Variants in GABRB1 observed in about 807,000 individuals in gnomAD.
The protein encoded by GABRB1 is gamma-aminobutyric acid type A receptor subunit beta1, also known as gamma-aminobutyric acid receptor subunit beta-1.
GABRB1 carries 17 observed loss-of-function variants against 51.6 expected under a neutral mutation model. That is an observed-to-expected ratio of 0.33 (90% CI 0.23 to 0.49). The LOEUF (loss-of-function observed/expected upper bound fraction) is 0.49. Ranked by LOEUF, GABRB1 falls within the 20% of genes least tolerant of loss-of-function variation. The probability of loss-of-function intolerance (pLI) is 0.99; values close to 1 mark genes in which losing one functional copy is unlikely to be tolerated. For missense variants in GABRB1, 410 were observed against 600.6 expected, an observed-to-expected ratio of 0.68 and a Z score of 3.32; for synonymous variants, 247 against 218.9, an observed-to-expected ratio of 1.13 and a Z score of -1.14.
At chr4:47,214,706 T>G (rs1222992879) in intron 4 of GABRB1, among the ~76,000 whole-genome samples, 1 of 152,182 alleles carries the variant, frequency 6.6e-6, no homozygotes, top group East Asian at 1.9e-4. Context: ...CCCAAATTGA[T>G]ATCAACTTCA....
chr4:47,004,277 G>A (rs1402788974), intron 1 of GABRB1, among the ~76,000 whole-genome samples: 2 of 152,126 alleles, frequency 1.3e-5, no homozygotes, highest in Non-Finnish European at 2.9e-5. Flanking sequence ...GTGAGCCACC[G>A]TGCCTGACCT....
chr4:47,261,630 T>C (rs530088183), intron 4 of GABRB1, among the ~76,000 whole-genome samples: 2,573 of 151,986 alleles, frequency 0.017, 74 homozygotes, highest in African/African-American at 0.059. Context: ...AGGTAATTTA[T>C]AGATTCAATG....
chr4:47,136,622 C>T (rs1368169552), intron 3 of GABRB1, among the ~76,000 whole-genome samples: 1 of 151,906 alleles, frequency 6.6e-6, no homozygotes, highest in East Asian at 1.9e-4. Context: ...GGTTTACAAA[C>T]TCTAGGGAAA....
At chr4:47,171,316 A>T (rs938107937) in intron 4 of GABRB1, among the ~76,000 whole-genome samples, 1 of 152,056 alleles carries the variant, frequency 6.6e-6, no homozygotes, top group African/African-American at 2.4e-5. Context: ...GAAAAAAAGG[A>T]AGGAAGGAAA....
intron 3 of GABRB1, among the ~76,000 whole-genome samples, chr4:47,064,743 T>C (rs1727000992): frequency 6.6e-6 from 1 of 152,092 alleles, no homozygotes; most frequent in Admixed American, 6.5e-5. Flanking sequence ...TTGCTTTAAC[T>C]GCTAGGATGA....
intron 4 of GABRB1, among the ~76,000 whole-genome samples, chr4:47,263,042 G>T (rs1440808255): frequency 2.7e-5 from 3 of 111,272 alleles, no homozygotes; most frequent in Non-Finnish European, 3.5e-5. Context: ...GGGGACTGTT[G>T]TGGGGTGGGG....
chr4:47,362,077 A>T (rs532323715), intron 5 of GABRB1, among the ~76,000 whole-genome samples: 6 of 152,292 alleles, frequency 3.9e-5, no homozygotes, highest in Middle Eastern at 3.4e-3. Context: ...AAGAATTGTG[A>T]CAAGGAGCTT....
intron 3 of GABRB1, among the ~76,000 whole-genome samples, chr4:47,044,082 G>A (rs764287702): frequency 5.9e-5 from 9 of 152,200 alleles, no homozygotes; most frequent in African/African-American, 1.2e-4. Context: ...CTGAGACAGC[G>A]TTTGTGTTGC....
intron 4 of GABRB1, among the ~76,000 whole-genome samples, chr4:47,317,589 A>G (rs986054719): frequency 6.6e-6 from 1 of 152,070 alleles, no homozygotes; most frequent in Admixed American, 6.5e-5. Context: ...ATTTAATTAA[A>G]CTTGAAAATT....
intron 5 of GABRB1, among the ~76,000 whole-genome samples, chr4:47,350,449 G>C (rs2109997832): frequency 6.6e-6 from 1 of 151,660 alleles, no homozygotes; most frequent in South Asian, 2.1e-4. Flanking sequence ...CTTGATCCTA[G>C]CTTTGCCACT....
Position 47,123,786 on chromosome 4 carries a change from TATATA to T in GABRB1, c.241-37457_241-37453del, listed in dbSNP as rs1194587123. ...ATATATTATATATCATATATTATTA[TATATA>T]ATATATTATATATCATATATTATAT... On this transcript the variant is annotated intron_variant, in intron 3 of 8. Coordinates refer to ENST00000295454, the MANE Select transcript of GABRB1 (RefSeq NM_000812.4). Among the ~76,000 whole-genome samples the T allele has an allele frequency of 6.6e-5, 6 of 90,416 alleles. No homozygotes were observed. The Admixed American group carries it at 9.4e-4, about 14-fold the overall frequency. 59.3% of individuals were successfully genotyped at this position (90,416 alleles called of 152,430 possible).
chr4:47,033,358 G>A (rs1424982536), intron 3 of GABRB1, among the ~76,000 whole-genome samples: 1 of 152,124 alleles, frequency 6.6e-6, no homozygotes, highest in Non-Finnish European at 1.5e-5. Context: ...CTGTTGGCTG[G>A]TTCCGTCCAC....
intron 5 of GABRB1, among the ~76,000 whole-genome samples, chr4:47,387,628 A>T (rs541402422): frequency 6.6e-6 from 1 of 152,226 alleles, no homozygotes; most frequent in South Asian, 2.1e-4. Context: ...AGCGAATTTG[A>T]ACTTGTGCTG....
At chr4:47,074,597 C>T (rs1727472601) in intron 3 of GABRB1, among the ~76,000 whole-genome samples, 1 of 152,096 alleles carries the variant, frequency 6.6e-6, no homozygotes, top group African/African-American at 2.4e-5. Context: ...GGGATGTGCT[C>T]AATGATCATT....
intron 4 of GABRB1, among the ~76,000 whole-genome samples, chr4:47,287,631 G>A (rs1405113970): frequency 6.6e-6 from 1 of 152,148 alleles, no homozygotes; most frequent in African/African-American, 2.4e-5. Context: ...TCACATCAAT[G>A]TGTAATTCCC....
intron 4 of GABRB1, among the ~76,000 whole-genome samples, chr4:47,304,393 C>A (rs1724373096): frequency 6.6e-6 from 1 of 151,926 alleles, no homozygotes; most frequent in Admixed American, 6.6e-5. Context: ...TGATATTGAA[C>A]AATTTTTTCA....
At chr4:47,027,990 G>A (rs1044742039), upstream of GABRB1, among the ~76,000 whole-genome samples, 2 of 151,552 alleles carry the variant, frequency 1.3e-5, no homozygotes, top group Admixed American at 6.6e-5. Context: ...TGTCCCCAAA[G>A]TATATGAAAT....
intron 4 of GABRB1, among the ~76,000 whole-genome samples, chr4:47,202,489 A>C (rs1161274732): frequency 1.3e-5 from 2 of 152,168 alleles, no homozygotes; most frequent in African/African-American, 4.8e-5. Context: ...AATACCTTCT[A>C]TTGGTAGGAA....
chr4:47,159,417 T>C (rs1025122313), intron 3 of GABRB1, among the ~76,000 whole-genome samples: 4 of 152,064 alleles, frequency 2.6e-5, no homozygotes, highest in Non-Finnish European at 5.9e-5. Context: ...TCTGCCCAAT[T>C]CATTTTCCTC....
Sources: allele counts gnomAD v4.1 joint callset (sites outside exome capture counted in the v4.1 genomes callset), GRCh38; gene constraint gnomAD v4.1.1; transcripts MANE v1.5; gene names NCBI Gene and HGNC (gene_info 2026-07-23, HGNC 2026-07-21).